The following UNC79 variants were observed in gnomAD, a reference collection of about 807,000 sequenced individuals.
UNC79 encodes unc-79 subunit of NALCN channel complex, also known as protein unc-79 homolog.
UNC79 carries 37 observed loss-of-function variants against 283.1 expected under a neutral mutation model. That is an observed-to-expected ratio of 0.13 (90% CI 0.10 to 0.17). The LOEUF is 0.17. Among genes scored for constraint, UNC79 ranks in the 10% least tolerant of loss-of-function variants. The probability of loss-of-function intolerance (pLI) is 1.00; values close to 1 mark genes in which losing one functional copy is unlikely to be tolerated. For synonymous variants in UNC79, 1,107 were observed against 1,200.2 expected (o/e 0.92, Z 1.61); for missense variants, 2,272 against 3,211.1 (o/e 0.71, Z 7.07).
chr14:93,670,133 A>T (rs964688467), intron 40 of UNC79, among the ~76,000 whole-genome samples: 94 of 152,292 alleles, frequency 6.2e-4, no homozygotes, highest in African/African-American at 2.2e-3. Flanking sequence ...AACTCAAGCC[A>T]TGTTTTTCCT....
rs554323627 is a variant in UNC79, at chr14:93,705,817, C to T, written c.7591-887C>T. 2.0e-5 allele frequency among the ~76,000 whole-genome samples: 3 copies of T among 152,336 alleles called. No individual in the cohort carries two copies. In the East Asian group the frequency reaches 5.8e-4, roughly 29 times the overall value. ...AGCTGGAAAGTTTTTTGCTGGGTTT[C>T]TTCTCCGAGTTGGGGAGGGATGCTA... is the stretch of plus-strand genomic sequence containing the variant. On this transcript the variant is annotated intron_variant, in intron 48 of 48. Transcript: ENST00000555664.
chr14:93,468,809 T>C (rs1462391796), intron 2 of UNC79, among the ~76,000 whole-genome samples: 1 of 152,232 alleles, frequency 6.6e-6, no homozygotes, highest in Non-Finnish European at 1.5e-5. Context: ...TGTTCTATAT[T>C]GAAGGGCTCC....
At chr14:93,671,303 A>G (rs1432842603) in intron 40 of UNC79, among the ~76,000 whole-genome samples, 1 of 152,156 alleles carries the variant, frequency 6.6e-6, no homozygotes, top group African/African-American at 2.4e-5. Context: ...AATAATAAAT[A>G]CCAGATTCAG....
intron 1 of UNC79, among the ~76,000 whole-genome samples, chr14:93,410,038 C>T (rs2055303911): frequency 6.6e-6 from 1 of 152,166 alleles, no homozygotes. Context: ...AACTTCATAT[C>T]ACTGAAAGGG....
rs142430317 is a variant in UNC79 at position 93,636,157 on chromosome 14, C to G, written c.5717-1059C>G. On this transcript the variant is annotated intron_variant, in intron 31 of 48. Transcript: ENST00000555664. ...CTCAATTTTCAGTCCAAATTTTAAT[C>G]TAAGAAAATCTACATGATGCCAAAT... Among the ~76,000 whole-genome samples the G allele has an allele frequency of 8.1e-4, 123 of 152,296 alleles. 1 individual carries two copies. Among genetic ancestry groups the G allele is most frequent in the African/African-American group, 2.8e-3 (117 of 41,566 alleles).
intron 38 of UNC79, among the ~76,000 whole-genome samples, chr14:93,658,854 T>TCATCCATCCATCCATCCATC (rs543094478): frequency 1.3e-5 from 2 of 151,946 alleles, no homozygotes; most frequent in African/African-American, 4.8e-5. Context: ...GTCCATCTAT[T>TCATCCATCCATCCATCCATC]CATCCATCCA....
intron 14 of UNC79, among the ~76,000 whole-genome samples, chr14:93,564,256 G>A (rs879935546): frequency 1.3e-5 from 2 of 152,190 alleles, no homozygotes; most frequent in Non-Finnish European, 2.9e-5. Context: ...GGTCAGCTAG[G>A]TTTCCATTTG....
chr14:93,592,155 T>C (rs2064729655), intron 22 of UNC79, among the ~76,000 whole-genome samples: 1 of 151,826 alleles, frequency 6.6e-6, no homozygotes, highest in African/African-American at 2.4e-5. Flanking sequence ...TTTTATACAT[T>C]CATTACATAA....
intron 14 of UNC79, among the ~76,000 whole-genome samples, chr14:93,550,322 C>G (rs1426289909): frequency 6.6e-6 from 1 of 152,000 alleles, no homozygotes; most frequent in Non-Finnish European, 1.5e-5. Context: ...AAGTTCTAGC[C>G]TGGCCAACAT....
chr14:93,589,446 G>A (rs141326385), intron 22 of UNC79, among the ~76,000 whole-genome samples: 2,567 of 152,156 alleles, frequency 0.017, 37 homozygotes, highest in South Asian at 0.086. Flanking sequence ...GGATGGGGGG[G>A]AAGTTGGGTG....
chr14:93,634,671 C>CG (rs780752089), intron 31 of UNC79, 34 bp downstream of exon 34: 3 of 1,541,102 alleles, frequency 1.9e-6, no homozygotes, highest in Non-Finnish European at 2.7e-6. Flanking sequence ...TTCTACCTCT[C>CG]GGATTAGTGA....
At chr14:93,593,070 T>C (rs8017845) in intron 22 of UNC79, among the ~76,000 whole-genome samples, 2,217 of 152,308 alleles carry the variant, frequency 0.015, 54 homozygotes, top group African/African-American at 0.051. Flanking sequence ...TCTCCCAGAG[T>C]GCATAACAGT....
intron 1 of UNC79, among the ~76,000 whole-genome samples, chr14:93,440,065 A>G (rs886766770): frequency 6.6e-6 from 1 of 151,746 alleles, no homozygotes; most frequent in Non-Finnish European, 1.5e-5. Context: ...ATAGTACAAT[A>G]AAAAAATACA....
At chr14:93,517,472 ATT>A (rs34274004) in intron 7 of UNC79, among the ~76,000 whole-genome samples, 23 of 146,652 alleles carry the variant, frequency 1.6e-4, no homozygotes, top group African/African-American at 3.0e-4. Flanking sequence ...TTTTTCATAG[ATT>A]TTTTTTTTTT....
At chr14:93,356,972 G>A (rs1276661546) in intron 1 of UNC79, among the ~76,000 whole-genome samples, 1 of 152,098 alleles carries the variant, frequency 6.6e-6, no homozygotes, top group East Asian at 1.9e-4. Context: ...AATAAGCATA[G>A]TACTCAACAG....
chr14:93,436,238 T>C (rs145546942), intron 1 of UNC79, among the ~76,000 whole-genome samples: 2 of 152,344 alleles, frequency 1.3e-5, no homozygotes, highest in African/African-American at 2.4e-5. Context: ...TTCTATGCAA[T>C]GTGAACATTG....
At chr14:93,341,616 A>G (rs2053713490) in intron 1 of UNC79, among the ~76,000 whole-genome samples, 2 of 151,774 alleles carry the variant, frequency 1.3e-5, no homozygotes. Context: ...AAAAAAAAAA[A>G]AAAAAAAATT....
intron 1 of UNC79, among the ~76,000 whole-genome samples, chr14:93,417,530 G>A (rs112434554): frequency 1.3e-5 from 2 of 152,244 alleles, no homozygotes; most frequent in Non-Finnish European, 2.9e-5. Context: ...GAGTGTCTTT[G>A]TGGCGTTCTC....
At position 93,678,079 on chromosome 14, in the gene UNC79, A is replaced by G. The variant is rs1321792405; in HGVS notation, c.6742-4538A>G. ...GAAGCTTCTTTTAGGCCAAAGATCT[A>G]GGCTGGAGTCAGAGGAAACCTTTCC... On this transcript the variant is annotated intron_variant, in intron 41 of 48. Transcript: ENST00000555664. 2.6e-5 allele frequency among the ~76,000 whole-genome samples: 4 copies of G among 152,170 alleles called. No individual in the cohort carries two copies. The South Asian group carries it at 8.3e-4, about 32-fold the overall frequency.
Sources: allele counts gnomAD v4.1 joint callset (sites outside exome capture counted in the v4.1 genomes callset), GRCh38; gene constraint gnomAD v4.1.1; transcripts MANE v1.5; gene names NCBI Gene and HGNC (gene_info 2026-07-23, HGNC 2026-07-21).